PACRGL: variants seen among roughly 807,000 people sequenced by gnomAD.
The protein encoded by PACRGL is PACRG-like protein.
PACRGL carries 38 observed loss-of-function variants against 34.5 expected under a neutral mutation model. The observed-to-expected ratio is 1.10, with a 90% CI of 0.85 to 1.44. The LOEUF is 1.44. Ranked by LOEUF, PACRGL falls within the 40% of genes most tolerant of loss-of-function variation. The pLI is 0.00. For synonymous variants in PACRGL, 128 were observed against 100.1 expected (o/e 1.28, Z -1.66); for missense variants, 305 against 281.4 (o/e 1.08, Z -0.60).
downstream of PACRGL, chr4:20,732,912 G>T: frequency 1.7e-6 from 1 of 605,640 alleles, no homozygotes; most frequent in Non-Finnish European, 2.9e-6. Flanking sequence ...TTCTTTGTTA[G>T]ACGACTGTTG....
chr4:20,730,480 T>G lies in PACRGL; in HGVS notation c.*3139T>G, dbSNP rs1475864292. Among the ~76,000 whole-genome samples, 1 of 152,004 alleles carries G rather than the reference T, an allele frequency of 6.6e-6. No homozygotes were observed. Among genetic ancestry groups the G allele is most frequent in the Non-Finnish European group, 1.5e-5 (1 of 68,020 alleles). Reference sequence around the variant, plus strand: ...AGCAAATGAGAATTTTGGCATTCTATGTAGATCACAGGCCAAATCACACAG... The same window carrying G: ...AGCAAATGAGAATTTTGGCATTCTAGGTAGATCACAGGCCAAATCACACAG... On this transcript the variant is annotated 3_prime_UTR_variant, in exon 9 of 9. Coordinates refer to ENST00000503585, the MANE Select transcript of PACRGL (RefSeq NM_001258345.3).
rs1345597793 is a variant in PACRGL at position 20,717,385 on chromosome 4, GT to G, written c.609+3850del. ...GGCTTTTGTTGCCATTGCTTTTTGTGTTTTAGACATGAAGTCCTTGCCCATG... is the reference window on the plus strand; with the variant it reads ...GGCTTTTGTTGCCATTGCTTTTTGTGTTTAGACATGAAGTCCTTGCCCATG... On this transcript the variant is annotated intron_variant, in intron 7 of 8. Coordinates refer to ENST00000503585, the MANE Select transcript of PACRGL (RefSeq NM_001258345.3). 1.9e-4 allele frequency among the ~76,000 whole-genome samples: 29 copies of G among 152,134 alleles called. 1 individual carries two copies. Among genetic ancestry groups the G allele is most frequent in the Admixed American group, 1.9e-3 (29 of 15,266 alleles).
At chr4:20,758,710 C>G in the PACRGL span, 1 of 826,440 alleles carries the variant, frequency 1.2e-6, no homozygotes. Flanking sequence ...TGCATTAATT[C>G]TTTTACATAA....
At chr4:20,700,075 A>C (rs1469970284), upstream of PACRGL, among the ~76,000 whole-genome samples, 1 of 152,044 alleles carries the variant, frequency 6.6e-6, no homozygotes, top group African/African-American at 2.4e-5. Context: ...ACTCGGGGGG[A>C]GGAGTTCACA....
chr4:20,701,769 T>G, intron 1 of PACRGL: 1 of 443,920 alleles, frequency 2.3e-6, no homozygotes, highest in South Asian at 1.6e-5. Flanking sequence ...CTCTTTCAGA[T>G]ACCCAAATCC....
Position 20,731,965 on chromosome 4 carries a change from A to ATGAT in PACRGL, c.*4625_*4628dup. The stretch of plus-strand genomic sequence containing the variant: ...GCTGCTAATACTCAGTTTAGCTGTT[A>ATGAT]TGATAGCTGAATTGATAGTTATTAC... On this transcript the variant is annotated 3_prime_UTR_variant, in exon 9 of 9. Transcript: ENST00000503585. The ATGAT allele has an allele frequency of 1.2e-6, 2 of 1,610,682 alleles. No homozygotes were observed. Among genetic ancestry groups the ATGAT allele is most frequent in the Non-Finnish European group, 1.7e-6 (2 of 1,178,882 alleles).
downstream of PACRGL, among the ~76,000 whole-genome samples, chr4:20,756,788 C>A (rs889533564): frequency 6.6e-6 from 1 of 152,034 alleles, no homozygotes; most frequent in Non-Finnish European, 1.5e-5. Context: ...AACTATCTAT[C>A]TCTCTTGTGT....
downstream of PACRGL, among the ~76,000 whole-genome samples, chr4:20,754,347 G>A (rs1413771764): frequency 6.6e-6 from 1 of 152,168 alleles, no homozygotes; most frequent in East Asian, 1.9e-4. Flanking sequence ...GGAGGAAATG[G>A]TGAGATGTTG....
chr4:20,712,981 A>C (rs867396661), intron 6 of PACRGL, 59 bp downstream of exon 6: 1 of 1,411,406 alleles, frequency 7.1e-7, no homozygotes. Context: ...AGAAAGCTGT[A>C]ATATATTTAG....
chr4:20,749,754 A>G (rs1407903441), intron 8 of PACRGL: 2 of 1,542,518 alleles, frequency 1.3e-6, no homozygotes, highest in East Asian at 2.3e-5. Flanking sequence ...AAAAGGGAGT[A>G]TCATTAAGTC....
In PACRGL at chr4:20,730,021, A is replaced by AACTTTAAGGGTGGTAGAATAGTTCACAT; in HGVS notation, c.*2681_*2708dup. 6.5e-7 allele frequency: 1 copy of AACTTTAAGGGTGGTAGAATAGTTCACAT among 1,544,338 alleles called. No individual in the cohort carries two copies. The highest frequency in any genetic ancestry group is 8.7e-7 in the Non-Finnish European group (1 of 1,147,634). ...AATCTATGCTAAAAGTGGTAGCTCC[A>AACTTTAAGGGTGGTAGAATAGTTCACAT]ACTTTAAGGGTGGTAGAATAGTTCA... is the stretch of plus-strand genomic sequence containing the variant. On this transcript the variant is annotated 3_prime_UTR_variant, in exon 9 of 9. Coordinates refer to ENST00000503585, the MANE Select transcript of PACRGL (RefSeq NM_001258345.3).
the PACRGL span, chr4:20,766,745 AT>A: frequency 6.6e-6 from 1 of 152,136 alleles, no homozygotes; most frequent in Non-Finnish European, 1.5e-5. Flanking sequence ...CTAAGCTTTG[AT>A]ACTGCAAATG....
At chr4:20,711,609 T>C (rs1387940764) in intron 5 of PACRGL, among the ~76,000 whole-genome samples, 2 of 152,342 alleles carry the variant, frequency 1.3e-5, no homozygotes, top group East Asian at 3.9e-4. Context: ...AATTGGTTTT[T>C]CTAAGCATGA....
chr4:20,734,639 T>G (rs1749143647), downstream of PACRGL: 2 of 1,525,260 alleles, frequency 1.3e-6, no homozygotes, highest in Admixed American at 3.7e-5. Context: ...TCTTTAGTGA[T>G]GTAGCCATCT....
chr4:20,720,445 C>T (rs933959001), intron 7 of PACRGL, among the ~76,000 whole-genome samples: 1 of 152,130 alleles, frequency 6.6e-6, no homozygotes, highest in Admixed American at 6.5e-5. Flanking sequence ...TACAATTTGG[C>T]TTGTTTTTGC....
In PACRGL at chr4:20,727,296, C is replaced by T. The variant is rs140274782; in HGVS notation, c.702C>T (p.Ser234=). The T allele has an allele frequency of 5.9e-4, 951 of 1,612,316 alleles. 9 individuals carry two copies. The highest frequency in any genetic ancestry group is 1.2e-4 in the Non-Finnish European group (137 of 1,178,732). ...TTTTCTGTTGACAGGGGAGCCTTAG[C>T]ATCATCAAATCTAAAATTCCAACAT... ...LEQHGGSGSL[S]IIKSKIPTYC... Residue 234 remains serine, a synonymous_variant, in exon 9 of 9, where the codon AGC becomes AGT. Transcript: ENST00000503585.
the PACRGL span, among the ~76,000 whole-genome samples, chr4:20,760,913 C>CA: frequency 4.6e-5 from 7 of 152,120 alleles, no homozygotes; most frequent in Non-Finnish European, 4.4e-5. Flanking sequence ...CCATAGTGTC[C>CA]AAGTGTTTGG....
chr4:20,711,570 A>G (rs1737207079), intron 5 of PACRGL, among the ~76,000 whole-genome samples: 1 of 151,894 alleles, frequency 6.6e-6, no homozygotes, highest in South Asian at 2.1e-4. Flanking sequence ...GGAAGCAGAT[A>G]TTTAGGTCTG....
Position 20,727,540 on chromosome 4 carries a change from A to G in PACRGL, c.*199A>G, listed in dbSNP as rs753131745. Reference sequence around the variant, plus strand: ...ATGGAAAGTTATTAAAATAAGTTCTATAAGAGTACAATTTTGAGGTTTATT... The same window carrying G: ...ATGGAAAGTTATTAAAATAAGTTCTGTAAGAGTACAATTTTGAGGTTTATT... On this transcript the variant is annotated 3_prime_UTR_variant, in exon 9 of 9. Coordinates refer to ENST00000503585, the MANE Select transcript of PACRGL (RefSeq NM_001258345.3). The G allele has an allele frequency of 1.3e-5, 6 of 477,030 alleles. No individual in the cohort carries two copies. The highest frequency in any genetic ancestry group is 4.3e-5 in the South Asian group (1 of 23,286). The allele number at this position is 477,030 out of a possible 1,614,324, so 29.5% of individuals were successfully genotyped here. A position where few individuals can be genotyped will look rare whatever the true frequency, so the allele number is the denominator to read the frequency against.
Sources: gnomAD v4.1 joint callset for allele counts (sites outside exome capture counted in the v4.1 genomes callset) on GRCh38, gnomAD v4.1.1 for gene constraint, MANE v1.5 for transcripts, NCBI Gene and HGNC (gene_info 2026-07-23, HGNC 2026-07-21) for gene names.